FTO: variants seen among roughly 807,000 people sequenced by gnomAD.
The protein encoded by FTO is alpha-ketoglutarate-dependent dioxygenase FTO.
In FTO, 47 loss-of-function variants were observed where a neutral mutation model predicts 63.9. The observed-to-expected ratio is 0.74, with a 90% CI of 0.58 to 0.94. FTO has a LOEUF of 0.94. Among genes scored for constraint, FTO ranks in the 40% least tolerant of loss-of-function variants. The pLI, the probability that FTO is intolerant of heterozygous loss-of-function variation, is 0.00. For missense variants in FTO, 562 were observed against 618.1 expected, an observed-to-expected ratio of 0.91 and a Z score of 0.96; for synonymous variants, 207 against 224.4, an observed-to-expected ratio of 0.92 and a Z score of 0.69.
intron 8 of FTO, among the ~76,000 whole-genome samples, chr16:54,038,326 T>G (rs1486089725): frequency 1.3e-5 from 2 of 152,180 alleles, no homozygotes; most frequent in African/African-American, 2.4e-5. Flanking sequence ...TTCCAGTGTT[T>G]AGAGGTGGAA....
intron 4 of FTO, among the ~76,000 whole-genome samples, chr16:53,848,110 T>C (rs1025273535): frequency 6.6e-6 from 1 of 152,220 alleles, no homozygotes; most frequent in African/African-American, 2.4e-5. Context: ...ATTTCTGAAA[T>C]GAATCTTCCT....
At chr16:54,008,617 A>G (rs2084264509) in intron 8 of FTO, 1 of 151,932 alleles carries the variant, frequency 6.6e-6, no homozygotes, top group African/African-American at 2.4e-5. Flanking sequence ...ATGCCAAGTT[A>G]CTGATATTGT....
intron 7 of FTO, 125 bp downstream of exon 7, chr16:53,889,076 G>A (rs2081081869): frequency 2.6e-6 from 3 of 1,139,188 alleles, no homozygotes; most frequent in East Asian, 2.4e-5. Context: ...ATTCTTCTTG[G>A]TAAGGTGATG....
At chr16:54,037,281 A>G (rs1259272630) in intron 8 of FTO, among the ~76,000 whole-genome samples, 1 of 152,186 alleles carries the variant, frequency 6.6e-6, no homozygotes, top group Non-Finnish European at 1.5e-5. Flanking sequence ...AGTTCCCAAA[A>G]ATGGAGAATG....
chr16:53,775,778 A>G (rs985751963), intron 1 of FTO, among the ~76,000 whole-genome samples: 13 of 152,096 alleles, frequency 8.5e-5, no homozygotes, highest in African/African-American at 3.1e-4. Context: ...CCTGCTTTTA[A>G]TAGTCTGTTT....
intron 1 of FTO, among the ~76,000 whole-genome samples, chr16:53,791,807 C>T (rs2077920781): frequency 6.6e-6 from 1 of 152,214 alleles, no homozygotes; most frequent in Non-Finnish European, 1.5e-5. Context: ...GGCGCGGTGG[C>T]TCACGCTTGT....
chr16:53,918,657 C>G (rs1001182057), intron 7 of FTO, among the ~76,000 whole-genome samples: 13 of 152,154 alleles, frequency 8.5e-5, no homozygotes, highest in Non-Finnish European at 1.6e-4. Flanking sequence ...TTATGTCCCC[C>G]TTGGTCATCC....
intron 8 of FTO, among the ~76,000 whole-genome samples, chr16:53,978,324 C>G (rs572397153): frequency 9.9e-5 from 15 of 152,258 alleles, no homozygotes; most frequent in African/African-American, 3.6e-4. Context: ...TGCCAGGAGT[C>G]CTAAGCTTTC....
chr16:54,011,259 A>T (rs1207630332), intron 8 of FTO, among the ~76,000 whole-genome samples: 13 of 152,248 alleles, frequency 8.5e-5, no homozygotes, highest in Non-Finnish European at 1.8e-4. Context: ...AGCTATGGAG[A>T]TTCTTATCTA....
chr16:53,969,893 C>T (rs8053888), intron 8 of FTO, among the ~76,000 whole-genome samples: 77,736 of 152,006 alleles, frequency 0.51, 20,299 homozygotes, highest in East Asian at 0.76. Flanking sequence ...TGAACTGCTG[C>T]CTAAAAGTGT....
chr16:54,055,236 A>G (rs2085404778), intron 8 of FTO, among the ~76,000 whole-genome samples: 1 of 152,184 alleles, frequency 6.6e-6, no homozygotes, highest in Non-Finnish European at 1.5e-5. Context: ...AAGTATCTTG[A>G]AGAGGCCACG....
intron 1 of FTO, among the ~76,000 whole-genome samples, chr16:53,776,941 G>A (rs998920687): frequency 6.6e-6 from 1 of 151,946 alleles, no homozygotes; most frequent in African/African-American, 2.4e-5. Flanking sequence ...AAACATTTTT[G>A]TTTTTAATTG....
intron 1 of FTO, among the ~76,000 whole-genome samples, chr16:53,744,823 C>A (rs1485083449): frequency 1.4e-5 from 1 of 68,994 alleles, no homozygotes; most frequent in Admixed American, 1.2e-4. Context: ...AAGGACTTTT[C>A]TTCCCCCCCC....
At chr16:54,092,823 C>T (rs143995634) in intron 8 of FTO, among the ~76,000 whole-genome samples, 93 of 152,296 alleles carry the variant, frequency 6.1e-4, no homozygotes, top group African/African-American at 2.1e-3. Context: ...AGGCTATTCA[C>T]GTGATCAACC....
chr16:53,904,602 C>T (rs983998863), intron 7 of FTO, among the ~76,000 whole-genome samples: 2 of 152,116 alleles, frequency 1.3e-5, no homozygotes, highest in African/African-American at 4.8e-5. Flanking sequence ...ATGTAGGTGG[C>T]CCTTTATGTA....
intron 7 of FTO, among the ~76,000 whole-genome samples, chr16:53,910,252 G>T (rs542627209): frequency 1.3e-5 from 2 of 152,124 alleles, no homozygotes; most frequent in Non-Finnish European, 2.9e-5. Flanking sequence ...ACAAGTAGAG[G>T]GGGGAGAATG....
At chr16:53,736,232 G>A (rs544927231) in intron 1 of FTO, among the ~76,000 whole-genome samples, 8 of 152,056 alleles carry the variant, frequency 5.3e-5, no homozygotes, top group African/African-American at 1.4e-4. Flanking sequence ...ACCGAGGTAC[G>A]TCATCTGTGT....
At chr16:53,758,036 G>A (rs1012236807) in intron 1 of FTO, among the ~76,000 whole-genome samples, 18 of 152,170 alleles carry the variant, frequency 1.2e-4, no homozygotes, top group African/African-American at 3.9e-4. Flanking sequence ...AATCAAGGAC[G>A]TTTTCCTTTT....
chr16:53,896,312 TA>T (rs1036922078), intron 7 of FTO, among the ~76,000 whole-genome samples: 4 of 151,104 alleles, frequency 2.6e-5, no homozygotes, highest in Non-Finnish European at 5.9e-5. Context: ...TTATTTCATC[TA>T]GGGTTTTTTT....
Sources: allele counts gnomAD v4.1 joint callset (sites outside exome capture counted in the v4.1 genomes callset), GRCh38; gene constraint gnomAD v4.1.1; transcripts MANE v1.5; gene names NCBI Gene and HGNC (gene_info 2026-07-23, HGNC 2026-07-21).